FAM227B: variants seen among roughly 807,000 people sequenced by gnomAD.
FAM227B encodes family with sequence similarity 227 member B.
In FAM227B, 88 loss-of-function variants were observed where a neutral mutation model predicts 73.8. The observed-to-expected ratio is 1.19, with a 90% CI of 1.00 to 1.42. The LOEUF (loss-of-function observed/expected upper bound fraction) is 1.42. Ranked by LOEUF, FAM227B falls within the 40% of genes most tolerant of loss-of-function variation. The pLI is 0.00. For missense variants in FAM227B, 632 were observed against 590.9 expected, an observed-to-expected ratio of 1.07 and a Z score of -0.72; for synonymous variants, 210 against 190.5, an observed-to-expected ratio of 1.10 and a Z score of -0.84.
chr15:49,394,486 T>C (rs2047432778), intron 11 of FAM227B, among the ~76,000 whole-genome samples: 1 of 152,090 alleles, frequency 6.6e-6, no homozygotes, highest in African/African-American at 2.4e-5. Context: ...AGAAATAAAG[T>C]AATAGGGAAT....
chr15:49,616,719 T>G (rs2078311783), intron 1 of FAM227B, among the ~76,000 whole-genome samples: 1 of 152,226 alleles, frequency 6.6e-6, no homozygotes, highest in Admixed American at 6.5e-5. Flanking sequence ...AGATATAAGC[T>G]ATCAAAATTA....
intron 11 of FAM227B, among the ~76,000 whole-genome samples, chr15:49,435,690 C>T (rs1476701745): frequency 6.6e-6 from 1 of 151,338 alleles, no homozygotes; most frequent in Non-Finnish European, 1.5e-5. Flanking sequence ...AATAGATACC[C>T]CAAAGAAGAT....
intron 10 of FAM227B, among the ~76,000 whole-genome samples, chr15:49,512,949 G>A (rs1485200003): frequency 1.3e-5 from 2 of 152,092 alleles, no homozygotes; most frequent in Non-Finnish European, 2.9e-5. Flanking sequence ...TTTCGTGGCT[G>A]CATAGTATTC....
chr15:49,609,706 C>G (rs1247927728), intron 3 of FAM227B, among the ~76,000 whole-genome samples: 2 of 151,810 alleles, frequency 1.3e-5, no homozygotes, highest in Admixed American at 1.3e-4. Flanking sequence ...GTATAGCAAA[C>G]AAAAAATTAA....
chr15:49,328,789 T>G (rs2151119634), intron 15 of FAM227B, 114 bp from the exon 16 acceptor site: 1 of 1,161,526 alleles, frequency 8.6e-7, no homozygotes, highest in South Asian at 1.8e-5. Context: ...TTTTTTTTTT[T>G]GACAAAAGGA....
At chr15:49,596,372 A>T (rs1316174537) in intron 3 of FAM227B, among the ~76,000 whole-genome samples, 1 of 152,018 alleles carries the variant, frequency 6.6e-6, no homozygotes, top group Non-Finnish European at 1.5e-5. Context: ...AGATTCATAA[A>T]TGAAGACAAG....
At chr15:49,499,009 A>C (rs1339562632) in intron 11 of FAM227B, among the ~76,000 whole-genome samples, 2 of 151,244 alleles carry the variant, frequency 1.3e-5, no homozygotes, top group Non-Finnish European at 3.0e-5. Context: ...TACTAAAAAT[A>C]CAAAAAATTA....
At chr15:49,411,817 T>C (rs1019020485) in intron 11 of FAM227B, among the ~76,000 whole-genome samples, 1 of 152,150 alleles carries the variant, frequency 6.6e-6, no homozygotes, top group Non-Finnish European at 1.5e-5. Context: ...TTCAAACTTG[T>C]CTTTTTTGCT....
intron 3 of FAM227B, among the ~76,000 whole-genome samples, chr15:49,597,154 C>T (rs1050105041): frequency 7.2e-5 from 11 of 151,964 alleles, no homozygotes; most frequent in African/African-American, 2.7e-4. Context: ...TACTGGCCAA[C>T]AAATGCAGAA....
chr15:49,477,392 T>C (rs948809518), intron 11 of FAM227B, among the ~76,000 whole-genome samples: 2 of 152,232 alleles, frequency 1.3e-5, no homozygotes, highest in Non-Finnish European at 2.9e-5. Flanking sequence ...TCTCTAAAGT[T>C]TTGCCTTTGC....
intron 13 of FAM227B, among the ~76,000 whole-genome samples, chr15:49,339,653 T>A (rs1158442706): frequency 3.3e-5 from 5 of 152,212 alleles, no homozygotes; most frequent in Non-Finnish European, 7.3e-5. Context: ...TCTAACGCTG[T>A]GCTGGGAGAT....
chr15:49,491,714 CACATATGCACACACACACACAT>C lies in FAM227B; in HGVS notation c.1012+16475_1012+16496del, dbSNP rs578083751. 1.8e-3 allele frequency among the ~76,000 whole-genome samples: 245 copies of C among 136,454 alleles called. 1 individual carries two copies. Among genetic ancestry groups the C allele is most frequent in the African/African-American group, 6.9e-3 (234 of 34,032 alleles). The allele number at this position is 136,454 out of a possible 152,430, so 89.5% of individuals were successfully genotyped here. ...TAGTAATTGATTGCACACACACACA[CACATATGCACACACACACACAT>C]ATATATATGCAATGTTTATGTATAT... On this transcript the variant is annotated intron_variant, in intron 11 of 15. Coordinates refer to ENST00000299338, the MANE Select transcript of FAM227B (RefSeq NM_152647.3).
intron 3 of FAM227B, among the ~76,000 whole-genome samples, chr15:49,599,919 G>T (rs1451181183): frequency 6.6e-6 from 1 of 152,062 alleles, no homozygotes; most frequent in African/African-American, 2.4e-5. Context: ...TGTCTGTTAG[G>T]ACCATTTTGT....
chr15:49,362,661 A>G (rs1256921416), intron 13 of FAM227B, among the ~76,000 whole-genome samples: 1 of 152,062 alleles, frequency 6.6e-6, no homozygotes, highest in Non-Finnish European at 1.5e-5. Context: ...TTTTCTTGCA[A>G]TTGCTTTTGG....
intron 11 of FAM227B, among the ~76,000 whole-genome samples, chr15:49,374,898 G>T (rs1196738141): frequency 1.3e-5 from 2 of 152,040 alleles, no homozygotes; most frequent in African/African-American, 4.8e-5. Context: ...ATGCTTCTCT[G>T]ACTGTTTCAG....
chr15:49,449,102 TCAAA>T (rs71734391), intron 11 of FAM227B, among the ~76,000 whole-genome samples: 38,630 of 151,622 alleles, frequency 0.25, 5,229 homozygotes, highest in East Asian at 0.44. Flanking sequence ...AGATAGGAAT[TCAAA>T]CAGAGACTTG....
At chr15:49,546,529 A>T (rs1021867636) in intron 9 of FAM227B, among the ~76,000 whole-genome samples, 2 of 152,162 alleles carry the variant, frequency 1.3e-5, no homozygotes, top group African/African-American at 4.8e-5. Context: ...CTGAGGAATC[A>T]CCACACTGAC....
At chr15:49,517,307 T>C (rs1474053506) in intron 10 of FAM227B, among the ~76,000 whole-genome samples, 1 of 152,124 alleles carries the variant, frequency 6.6e-6, no homozygotes, top group Non-Finnish European at 1.5e-5. Context: ...CCTAAGAAAG[T>C]GATTACTTCA....
intron 10 of FAM227B, among the ~76,000 whole-genome samples, chr15:49,533,736 T>C (rs1054383412): frequency 6.6e-6 from 1 of 151,886 alleles, no homozygotes; most frequent in African/African-American, 2.4e-5. Flanking sequence ...TCTGTTTTCC[T>C]CTTGTCACTT....
Sources: allele counts gnomAD v4.1 joint callset (sites outside exome capture counted in the v4.1 genomes callset), GRCh38; gene constraint gnomAD v4.1.1; transcripts MANE v1.5; gene names NCBI Gene and HGNC (gene_info 2026-07-23, HGNC 2026-07-21).